Variants in TNRC18 observed in about 807,000 individuals in gnomAD.
The protein encoded by TNRC18 is trinucleotide repeat-containing gene 18 protein.
TNRC18 carries 69 observed loss-of-function variants against 226.7 expected under a neutral mutation model. The ratio of observed to expected loss-of-function variants is 0.30; its 90% confidence interval spans 0.25 to 0.37. TNRC18 has a LOEUF of 0.37. TNRC18 is among the 10% of genes least tolerant of loss of function. TNRC18 has a pLI of 1.00. For synonymous variants in TNRC18, 2,449 were observed against 1,927.6 expected (o/e 1.27, Z -7.09); for missense variants, 4,754 against 4,256.6 (o/e 1.12, Z -3.25).
At chr7:5,408,276 C>A (rs192965630) in intron 2 of TNRC18, among the ~76,000 whole-genome samples, 1,667 of 133,768 alleles carry the variant, frequency 0.012, 42 homozygotes, top group African/African-American at 0.045. Context: ...TCCAGCCTGG[C>A]GACAGAACAA....
chr7:5,376,141 G>T lies in TNRC18; in HGVS notation c.2692C>A (p.Gln898Lys). The change falls in exon 9 of 30, where the codon CAG becomes AAG. Residue 898 changes from glutamine (Q) to lysine (K), a missense_variant. Physicochemically the swap from Gln to Lys is moderately conservative, Grantham distance 53. Transcript: ENST00000430969. ...PGRSPLHHAQ[Q>K]LQLFSQQHFL... ...TGCTGCTGTGAGAAGAGCTGCAGCTGCTGGGCGTGGTGCAGGGGGCTGCGG... is the reference window on the plus strand; with the variant it reads ...TGCTGCTGTGAGAAGAGCTGCAGCTTCTGGGCGTGGTGCAGGGGGCTGCGG... The T allele has an allele frequency of 6.3e-7, 1 of 1,587,440 alleles. No homozygotes were observed. Among genetic ancestry groups the T allele is most frequent in the Non-Finnish European group, 8.6e-7 (1 of 1,167,902 alleles).
At chr7:5,410,462 G>A (rs1242626162) in intron 2 of TNRC18, among the ~76,000 whole-genome samples, 3 of 152,060 alleles carry the variant, frequency 2.0e-5, no homozygotes, top group Non-Finnish European at 4.4e-5. Flanking sequence ...CAGAATGAAA[G>A]TCTTGAGTTT....
chr7:5,408,457 G>A (rs1369885133), intron 2 of TNRC18, among the ~76,000 whole-genome samples: 1 of 152,012 alleles, frequency 6.6e-6, no homozygotes, highest in African/African-American at 2.4e-5. Flanking sequence ...AGACCAGCCG[G>A]GCCAACATGA....
At chr7:5,405,771 T>A (rs898385239) in intron 2 of TNRC18, among the ~76,000 whole-genome samples, 1 of 151,788 alleles carries the variant, frequency 6.6e-6, no homozygotes, top group Non-Finnish European at 1.5e-5. Flanking sequence ...ATAAAAAGTA[T>A]ACAGAAATTA....
At chr7:5,341,418 C>CAA (rs35407523) in intron 18 of TNRC18, among the ~76,000 whole-genome samples, 11 of 85,084 alleles carry the variant, frequency 1.3e-4, no homozygotes, top group African/African-American at 2.0e-4. Flanking sequence ...GACTCCATCT[C>CAA]AAAAAAAAAA....
At chr7:5,399,083 C>CT (rs1419774883) in intron 2 of TNRC18, among the ~76,000 whole-genome samples, 1 of 152,194 alleles carries the variant, frequency 6.6e-6, no homozygotes, top group African/African-American at 2.4e-5. Flanking sequence ...CCTTCCATCT[C>CT]TAGACTATAC....
chr7:5,412,484 G>A (rs1315153967), intron 2 of TNRC18, among the ~76,000 whole-genome samples: 1 of 151,998 alleles, frequency 6.6e-6, no homozygotes, highest in South Asian at 2.1e-4. Flanking sequence ...GCTGAGGCAG[G>A]AGAATCGCTT....
intron 9 of TNRC18, 94 bp downstream of exon 9, chr7:5,375,940 C>A: frequency 7.7e-7 from 1 of 1,291,020 alleles, no homozygotes; most frequent in South Asian, 1.4e-5. Context: ...TTCTCCCTCC[C>A]TGTAACTGTC....
Position 5,388,186 on chromosome 7 carries a change from G to C in TNRC18, c.1638C>G (p.Ser546=). The change falls in exon 5 of 30, where the codon TCC becomes TCG. Residue 546 remains serine (S), a synonymous_variant. Coordinates refer to ENST00000430969, the MANE Select transcript of TNRC18 (RefSeq NM_001080495.3). ...EEEAAVVAAS[S]SKKAYLDPGA... ...CAGGGTCCAGGTAGGCCTTCTTGGAGGAGGAGGCAGCGACCACGGCGGCCT... is the reference window on the plus strand; with the variant it reads ...CAGGGTCCAGGTAGGCCTTCTTGGACGAGGAGGCAGCGACCACGGCGGCCT... 1.3e-6 allele frequency: 2 copies of C among 1,587,508 alleles called. No individual in the cohort carries two copies. The highest frequency in any genetic ancestry group is 8.6e-7 in the Non-Finnish European group (1 of 1,168,668).
intron 2 of TNRC18, chr7:5,420,527 G>C: frequency 2.2e-6 from 1 of 446,448 alleles, no homozygotes; most frequent in Non-Finnish European, 4.5e-6. Context: ...CCAAGGCTGG[G>C]GTCACCGTAC....
At chr7:5,358,346 T>C (rs1792673696) in intron 15 of TNRC18, among the ~76,000 whole-genome samples, 1 of 152,244 alleles carries the variant, frequency 6.6e-6, no homozygotes, top group Non-Finnish European at 1.5e-5. Context: ...CTCTATTTTC[T>C]TTAATCAGGT....
chr7:5,398,227 A>G (rs929591120), intron 2 of TNRC18, among the ~76,000 whole-genome samples: 1 of 151,874 alleles, frequency 6.6e-6, no homozygotes, highest in African/African-American at 2.4e-5. Flanking sequence ...GTGGAGTGCA[A>G]TGGCGCGATC....
At chr7:5,321,639 CTTTATTTATTTATTTATTTATTTA>C (rs10551562) in intron 21 of TNRC18, among the ~76,000 whole-genome samples, 1 of 143,410 alleles carries the variant, frequency 7.0e-6, no homozygotes, top group Non-Finnish European at 1.5e-5. Flanking sequence ...ACTTCTAGGA[CTTTATTTATTTATTTATTTATTTA>C]TTTATTTATT....
intron 16 of TNRC18, among the ~76,000 whole-genome samples, chr7:5,354,247 G>A (rs1461651095): frequency 6.6e-5 from 10 of 151,628 alleles, no homozygotes; most frequent in South Asian, 2.1e-4. Flanking sequence ...TAAATAAAAC[G>A]GACATTCCCT....
At chr7:5,345,467 G>T in intron 18 of TNRC18, 95 bp downstream of exon 18, 1 of 1,238,514 alleles carries the variant, frequency 8.1e-7, no homozygotes, top group Non-Finnish European at 1.1e-6. Flanking sequence ...CTCTGCACCT[G>T]CATCTCTGAG....
chr7:5,409,812 T>TA lies in TNRC18; in HGVS notation c.187+11247dup, dbSNP rs35153914. On this transcript the variant is annotated intron_variant, in intron 2 of 29. Coordinates refer to ENST00000430969, the MANE Select transcript of TNRC18 (RefSeq NM_001080495.3). ...TAACATGGTGAAACCCCGTCTCTAC[T>TA]AAAAAAAAAAAAAAAAAAAATACAA... is the stretch of plus-strand genomic sequence containing the variant. 2.8e-3 allele frequency among the ~76,000 whole-genome samples: 296 copies of TA among 104,724 alleles called. 2 individuals carry two copies. The highest frequency in any genetic ancestry group is 0.015 in the South Asian group (47 of 3,216). 68.7% of individuals were successfully genotyped at this position (104,724 alleles called of 152,430 possible).
chr7:5,309,121 C>G lies in TNRC18; in HGVS notation c.8625+11G>C, dbSNP rs1367005463. 1.3e-6 allele frequency: 2 copies of G among 1,597,974 alleles called. No individual in the cohort carries two copies. The highest frequency in any genetic ancestry group is 1.7e-5 in the Admixed American group (1 of 57,764). ...CTAGGACTGGGGGCCGCAGCCGGGCCGCAGGCTCACCTGGCCCTGGTGGAA... is the reference window on the plus strand; with the variant it reads ...CTAGGACTGGGGGCCGCAGCCGGGCGGCAGGCTCACCTGGCCCTGGTGGAA... On this transcript the variant is annotated intron_variant, in intron 28 of 29. Coordinates refer to ENST00000430969, the MANE Select transcript of TNRC18 (RefSeq NM_001080495.3). The surrounding 1 kb of genome is among the most constrained non-coding windows in gnomAD (Gnocchi z 5.7).
In TNRC18 at chr7:5,357,274, T is replaced by C. The variant is rs781455170; in HGVS notation, c.4836A>G (p.Leu1612=). 6 of 1,608,806 alleles carry C rather than the reference T, an allele frequency of 3.7e-6. No homozygotes were observed. Among genetic ancestry groups the C allele is most frequent in the East Asian group, 4.5e-5 (2 of 44,828 alleles). ...TGGCCATCTTCTTCTTCTTAATCTT[T>C]AGCTGGAGAGGGAAGGTGGGTCATG... ...HEASSDFISQ[L]KIKKKKMASD... The change falls in exon 16 of 30, where the codon CTA becomes CTG. Residue 1612 remains leucine, a splice_region_variant and synonymous_variant. Transcript: ENST00000430969.
Position 5,370,493 on chromosome 7 carries a change from G to C in TNRC18, c.4101C>G (p.Ala1367=). 1.3e-6 allele frequency: 2 copies of C among 1,592,132 alleles called. No individual in the cohort carries two copies. Among genetic ancestry groups the C allele is most frequent in the Non-Finnish European group, 1.7e-6 (2 of 1,169,454 alleles). ...TCTCGGCTGCTTCCAGCTTCTCCAAGGCCTGGGCTCCAGCAGCACCCGGGG... is the reference window on the plus strand; with the variant it reads ...TCTCGGCTGCTTCCAGCTTCTCCAACGCCTGGGCTCCAGCAGCACCCGGGG... The part of the protein sequence containing the change: ...LPSPGAAGAQ[A]LEKLEAAESL... The change falls in exon 11 of 30, where the codon GCC becomes GCG. Residue 1367 remains alanine (A), a synonymous_variant. Coordinates refer to ENST00000430969, the MANE Select transcript of TNRC18 (RefSeq NM_001080495.3).
Sources: gnomAD v4.1 joint callset for allele counts (sites outside exome capture counted in the v4.1 genomes callset) on GRCh38, gnomAD v4.1.1 for gene constraint, Gnocchi (gnomAD v3.1) non-coding constraint, MANE v1.5 for transcripts, NCBI Gene and HGNC (gene_info 2026-07-23, HGNC 2026-07-21) for gene names.